The following DIPK2B variants were observed in gnomAD, a reference collection of about 807,000 sequenced individuals.
The protein encoded by DIPK2B is UPF0672 protein CXorf36.
Under a neutral mutation model 22.2 loss-of-function variants are expected in DIPK2B, and 15 were observed. That is an observed-to-expected ratio of 0.68 (90% CI 0.45 to 1.04). The LOEUF (loss-of-function observed/expected upper bound fraction) is 1.04. Ranked by LOEUF, DIPK2B falls within the 50% of genes least tolerant of loss-of-function variation. The pLI is 0.00. For missense variants in DIPK2B, 345 were observed against 348.3 expected, an observed-to-expected ratio of 0.99 and a Z score of 0.08; for synonymous variants, 163 against 153.2, an observed-to-expected ratio of 1.06 and a Z score of -0.47.
At position 45,157,761 on chromosome X, in the gene DIPK2B, C is replaced by T. The variant is rs746307645; in HGVS notation, c.626G>A (p.Arg209His). The T allele has an allele frequency of 8.8e-5, 105 of 1,193,920 alleles. No individual in the cohort carries two copies. The highest frequency in any genetic ancestry group is 4.8e-4 in the South Asian group (26 of 54,279). ...GTTGACAGCCAGCGTGTAGAGCAGG[C>T]GCAGCTTGTCACGGTCGGTGAAGTG... ...MDHFTDRDKL[R>H]LLYTLAVNSH... Residue 209 changes from arginine (R) to histidine (H), a missense_variant, in exon 3 of 5, where the codon CGC (arginine) becomes CAC (histidine). By Grantham distance (29) the Arg-to-His change is conservative. Transcript: ENST00000398000.
At chrX:45,160,105 G>A (rs1298748840) in intron 2 of DIPK2B, among the ~76,000 whole-genome samples, 2 of 109,954 alleles carry the variant, frequency 1.8e-5, no homozygotes, top group Non-Finnish European at 3.8e-5. Context: ...TGCCATGATT[G>A]TAAGTTTCTT....
In DIPK2B at chrX:45,151,953, A is replaced by T. The variant is rs2046964655; in HGVS notation, c.1001T>A (p.Ile334Asn). ...EANRAGENKD[I>N]FSCLVSGCQA... ...GCAGCCGGAAACCAGGCAGCTAAAAATGTCTTTATTCTCTCCTGCCCTGTT... is the reference window on the plus strand; with the variant it reads ...GCAGCCGGAAACCAGGCAGCTAAAATTGTCTTTATTCTCTCCTGCCCTGTT... The change falls in exon 5 of 5, where the codon ATT becomes AAT. Residue 334 changes from isoleucine (I) to asparagine (N), a missense_variant. Coordinates refer to ENST00000398000, the MANE Select transcript of DIPK2B (RefSeq NM_176819.4). 8.4e-7 allele frequency: 1 copy of T among 1,188,974 alleles called. No homozygotes were observed.
At chrX:45,157,625 G>A in intron 3 of DIPK2B, 90 bp downstream of exon 3, 4 of 965,425 alleles carry the variant, frequency 4.1e-6, no homozygotes, top group Non-Finnish European at 5.7e-6. Context: ...AAGACATGCA[G>A]TAAAAGGAGG....
At chrX:45,161,016 T>A (rs747559153) in intron 2 of DIPK2B, among the ~76,000 whole-genome samples, 28 of 111,494 alleles carry the variant, frequency 2.5e-4, no homozygotes, top group Non-Finnish European at 5.1e-4. Context: ...CAATGAGATA[T>A]AAGTAAAAAT....
At position 45,149,600 on chromosome X, in the gene DIPK2B, G is replaced by A. The variant is rs975937029; in HGVS notation, c.*2052C>T. 3 of 112,866 alleles carry A rather than the reference G, an allele frequency of 2.7e-5. No homozygotes were observed. Among genetic ancestry groups the A allele is most frequent in the African/African-American group, 9.7e-5 (3 of 30,924 alleles). The allele number at this position is 112,866 out of a possible 1,213,427, so 9.3% of individuals were successfully genotyped here. Reference sequence around the variant, plus strand: ...ATGGGAGTGAAGGAACCAGAATTGGGTAGCACAGGTGAAAGTCAGAGGCTG... The same window carrying A: ...ATGGGAGTGAAGGAACCAGAATTGGATAGCACAGGTGAAAGTCAGAGGCTG... On this transcript the variant is annotated 3_prime_UTR_variant, in exon 5 of 5. Transcript: ENST00000398000.
At chrX:45,160,949 A>T (rs2047019601) in intron 2 of DIPK2B, among the ~76,000 whole-genome samples, 1 of 112,327 alleles carries the variant, frequency 8.9e-6, no homozygotes, top group African/African-American at 3.2e-5. Context: ...CCCCAAATAA[A>T]GATTTCATTC....
intron 2 of DIPK2B, among the ~76,000 whole-genome samples, chrX:45,176,297 T>C (rs1166328722): frequency 9.0e-6 from 1 of 111,575 alleles, no homozygotes; most frequent in African/African-American, 3.3e-5. Flanking sequence ...GCAGCCCTCC[T>C]GGCCATATAG....
intron 2 of DIPK2B, among the ~76,000 whole-genome samples, chrX:45,160,226 A>C (rs1278763730): frequency 2.8e-5 from 3 of 107,789 alleles, no homozygotes; most frequent in Non-Finnish European, 5.7e-5. Flanking sequence ...TTTTTTAATG[A>C]GACAAAGTTT....
At chrX:45,168,580 TG>T (rs1335069948) in intron 2 of DIPK2B, among the ~76,000 whole-genome samples, 7 of 112,488 alleles carry the variant, frequency 6.2e-5, no homozygotes, top group African/African-American at 2.3e-4. Context: ...GCAGAGGTTC[TG>T]GGTTGAGCCC....
intron 2 of DIPK2B, chrX:45,163,182 A>C: frequency 4.9e-6 from 1 of 203,553 alleles, no homozygotes; most frequent in Non-Finnish European, 7.3e-6. Context: ...ACAAAAACAG[A>C]TTTTTTTAAG....
At chrX:45,157,021 C>A (rs1420081035) in intron 3 of DIPK2B, among the ~76,000 whole-genome samples, 1 of 109,653 alleles carries the variant, frequency 9.1e-6, no homozygotes, top group Non-Finnish European at 1.9e-5. Flanking sequence ...TCACTCTACT[C>A]CCCCTCCTTT....
chrX:45,195,792 G>C (rs934141230), intron 1 of DIPK2B, among the ~76,000 whole-genome samples: 2 of 112,045 alleles, frequency 1.8e-5, no homozygotes, highest in Non-Finnish European at 1.9e-5. Context: ...ACTATCCTTG[G>C]ATAAACCACA....
chrX:45,185,904 G>A (rs1041696467), intron 2 of DIPK2B, among the ~76,000 whole-genome samples: 2 of 110,830 alleles, frequency 1.8e-5, no homozygotes, highest in Non-Finnish European at 3.8e-5. Flanking sequence ...CGCCCGCCTC[G>A]GCCTCCCAAA....
chrX:45,163,421 A>G (rs1281835002), intron 2 of DIPK2B: 20 of 752,744 alleles, frequency 2.7e-5, no homozygotes, highest in Non-Finnish European at 3.0e-5. Flanking sequence ...ACAAAAATGG[A>G]CAGCAATGAA....
rs148151608 is a variant in DIPK2B at position 45,151,851 on chromosome X, C to T, written c.1103G>A (p.Arg368Gln). 5,428 of 1,209,931 alleles carry T rather than the reference C, an allele frequency of 4.5e-3. 67 individuals carry two copies. In the South Asian group the frequency reaches 0.054, roughly 12 times the overall value. The change falls in exon 5 of 5, where the codon CGA (arginine) becomes CAA (glutamine). Residue 368 changes from arginine (R) to glutamine (Q), a missense_variant. By Grantham distance (43) the Arg-to-Gln change is conservative. Transcript: ENST00000398000. Reference protein sequence around the residue: ...LVLVCQKLLPRLLQGRFPSPV... With the variant: ...LVLVCQKLLPQLLQGRFPSPV... ...GGAGGGGAACCTCCCCTGGAGAAGT[C>T]GAGGCAGCAACTTCTGACACACCAG...
chrX:45,176,517 C>G (rs1321446644), intron 2 of DIPK2B, among the ~76,000 whole-genome samples: 5 of 112,041 alleles, frequency 4.5e-5, no homozygotes, highest in Non-Finnish European at 1.9e-5. Context: ...TGACTACCTG[C>G]TGGATCTAAA....
chrX:45,200,779 C>A lies in DIPK2B; in HGVS notation c.48G>T (p.Trp16Cys). 2 of 1,206,535 alleles carry A rather than the reference C, an allele frequency of 1.7e-6. No homozygotes were observed. The highest frequency in any genetic ancestry group is 2.2e-5 in the Admixed American group (1 of 45,506). Reference sequence around the variant, plus strand: ...CTGAGACCCACAGCAGCAGGGCCAGCCAGCCAGGGCGGAGGGCGGCAGCCT... The same window carrying A: ...CTGAGACCCACAGCAGCAGGGCCAGACAGCCAGGGCGGAGGGCGGCAGCCT... ...GPEAAALRPG[W>C]LALLLWVSAL... Residue 16 changes from tryptophan (W) to cysteine (C), a missense_variant, in exon 1 of 5, where the codon TGG (tryptophan) becomes TGT (cysteine). Transcript: ENST00000398000.
At chrX:45,181,941 A>G (rs946575837) in intron 2 of DIPK2B, among the ~76,000 whole-genome samples, 2 of 110,961 alleles carry the variant, frequency 1.8e-5, no homozygotes, top group Non-Finnish European at 3.8e-5. Flanking sequence ...GTAGCTGAGC[A>G]CGGTGTACAC....
chrX:45,173,260 G>A (rs2047094154), intron 2 of DIPK2B, among the ~76,000 whole-genome samples: 1 of 111,559 alleles, frequency 9.0e-6, no homozygotes, highest in African/African-American at 3.3e-5. Context: ...GACTGAGCTA[G>A]CTCACTGGAG....
Sources: gnomAD v4.1 joint callset for allele counts (sites outside exome capture counted in the v4.1 genomes callset) on GRCh38, gnomAD v4.1.1 for gene constraint, MANE v1.5 for transcripts, NCBI Gene and HGNC (gene_info 2026-07-23, HGNC 2026-07-21) for gene names.